Variants in MCPH1 observed in about 807,000 individuals in gnomAD.
MCPH1 encodes microcephalin.
A neutral mutation model predicts 84.5 loss-of-function variants in MCPH1; 104 were observed. The observed-to-expected ratio is 1.23, with a 90% CI of 1.05 to 1.45. The LOEUF (loss-of-function observed/expected upper bound fraction) is 1.45, where lower values mean the gene tolerates loss of function less well. MCPH1 is among the 40% of genes most tolerant of loss of function. MCPH1 has a pLI of 0.00. For missense variants in MCPH1, 1,498 were observed against 1,005.7 expected, an observed-to-expected ratio of 1.49 and a Z score of -6.62; for synonymous variants, 514 against 366.8, an observed-to-expected ratio of 1.40 and a Z score of -4.58.
At chr8:6,518,384 G>A (rs1180359931) in intron 12 of MCPH1, among the ~76,000 whole-genome samples, 1 of 152,228 alleles carries the variant, frequency 6.6e-6, no homozygotes, top group Non-Finnish European at 1.5e-5. Context: ...GCAGCAGACT[G>A]TGTTGTTTGT....
chr8:6,600,105 T>C (rs1392449497), intron 12 of MCPH1, among the ~76,000 whole-genome samples: 1 of 152,278 alleles, frequency 6.6e-6, no homozygotes, highest in African/African-American at 2.4e-5. Context: ...TATCTGGAGC[T>C]GAGTTGCTGG....
At chr8:6,624,925 G>T in intron 13 of MCPH1, 1 of 908,716 alleles carries the variant, frequency 1.1e-6, no homozygotes, top group South Asian at 5.1e-5. Context: ...CCAGGCTGGA[G>T]TGTGCAGTGA....
intron 12 of MCPH1, among the ~76,000 whole-genome samples, chr8:6,598,402 C>T (rs887860951): frequency 6.6e-6 from 1 of 152,156 alleles, no homozygotes; most frequent in African/African-American, 2.4e-5. Flanking sequence ...GAGCCGGCGA[C>T]CGGCCAGAGT....
At chr8:6,610,325 C>G (rs556095900) in intron 12 of MCPH1, among the ~76,000 whole-genome samples, 1 of 152,348 alleles carries the variant, frequency 6.6e-6, no homozygotes, top group African/African-American at 2.4e-5. Flanking sequence ...AATCAGGTGT[C>G]TTCATTTATG....
chr8:6,463,116 C>G (rs1806465910), intron 9 of MCPH1, among the ~76,000 whole-genome samples: 1 of 152,148 alleles, frequency 6.6e-6, no homozygotes. Flanking sequence ...TTTCTAAAAG[C>G]TCCTTCAGTG....
At chr8:6,492,120 A>G (rs1196136080) in intron 11 of MCPH1, among the ~76,000 whole-genome samples, 1 of 152,160 alleles carries the variant, frequency 6.6e-6, no homozygotes, top group Non-Finnish European at 1.5e-5. Context: ...CTATTTCTCC[A>G]CATCCTCTCC....
At chr8:6,554,514 A>C (rs1249897414) in intron 12 of MCPH1, among the ~76,000 whole-genome samples, 1 of 152,220 alleles carries the variant, frequency 6.6e-6, no homozygotes, top group East Asian at 1.9e-4. Context: ...TCCATTGTCC[A>C]TAAAAAATTA....
At position 6,553,389 on chromosome 8, in the gene MCPH1, C is replaced by T. The variant is rs890010014; in HGVS notation, c.2214+53460C>T. 2.0e-5 allele frequency among the ~76,000 whole-genome samples: 3 copies of T among 152,158 alleles called. No individual in the cohort carries two copies. The East Asian group carries it at 5.8e-4, about 29-fold the overall frequency. On this transcript the variant is annotated intron_variant, in intron 12 of 13. Coordinates refer to ENST00000344683, the MANE Select transcript of MCPH1 (RefSeq NM_024596.5). ...AAACCTAGCCAGCCCTCACTAGGGT[C>T]TTCTGATGGTTACATAGTTAAAAGT...
intron 12 of MCPH1, among the ~76,000 whole-genome samples, chr8:6,531,204 C>T (rs923629474): frequency 6.6e-6 from 1 of 151,688 alleles, no homozygotes; most frequent in African/African-American, 2.4e-5. Context: ...ACATGTTGTG[C>T]ATCATTTAGC....
intron 12 of MCPH1, chr8:6,562,748 T>G: frequency 6.2e-7 from 1 of 1,613,872 alleles, no homozygotes; most frequent in Non-Finnish European, 8.5e-7. Flanking sequence ...TGCACAGCAT[T>G]GGACACGTAG....
chr8:6,616,437 T>G (rs1457969378), intron 12 of MCPH1: 2 of 152,246 alleles, frequency 1.3e-5, no homozygotes, highest in Non-Finnish European at 2.9e-5. Flanking sequence ...AACAGTACAG[T>G]CTGCCTTAAC....
chr8:6,518,804 C>T (rs1294429773), intron 12 of MCPH1, among the ~76,000 whole-genome samples: 1 of 152,144 alleles, frequency 6.6e-6, no homozygotes, highest in East Asian at 1.9e-4. Context: ...TTAATATATA[C>T]AGTTATCCAG....
intron 11 of MCPH1, 177 bp from the exon 12 acceptor site, chr8:6,499,675 A>G (rs936342197): frequency 5.0e-5 from 29 of 582,912 alleles, no homozygotes; most frequent in Non-Finnish European, 8.2e-5. Context: ...CTTTTTATTA[A>G]TATTCATAAC....
intron 12 of MCPH1, chr8:6,501,705 G>A (rs1284526565): frequency 4.6e-5 from 7 of 151,754 alleles, no homozygotes; most frequent in East Asian, 1.9e-4. Context: ...ACAGGTGCCC[G>A]CCAGCACGCC....
chr8:6,496,229 A>G lies in MCPH1; in HGVS notation c.2137-3623A>G, dbSNP rs147856858. ...CATCAGGCGTTAGATTCTCATAAGG[A>G]GCATGCAACCTAGATCCCTCATCTG... On this transcript the variant is annotated intron_variant, in intron 11 of 13. Transcript: ENST00000344683. Among the ~76,000 whole-genome samples the G allele has an allele frequency of 1.6e-3, 237 of 152,300 alleles. 2 individuals carry two copies. The highest frequency in any genetic ancestry group is 1.4e-3 in the Non-Finnish European group (95 of 68,028).
rs1331742639 is a variant in MCPH1, at chr8:6,621,618, C to T, written c.2379C>T (p.Ala793=). ...GGGTCAGCCAAGTCCCCCGCCAGGC[C>T]AGCATCGTCATCGGGCCCTACAGCG... ...GGRVSQVPRQ[A]SIVIGPYSGK... The change falls in exon 13 of 14, where the codon GCC becomes GCT. Residue 793 remains alanine, a synonymous_variant. Coordinates refer to ENST00000344683, the MANE Select transcript of MCPH1 (RefSeq NM_024596.5). 1.2e-6 allele frequency: 2 copies of T among 1,614,218 alleles called. No homozygotes were observed. Among genetic ancestry groups the T allele is most frequent in the Non-Finnish European group, 1.7e-6 (2 of 1,180,038 alleles).
At chr8:6,443,111 T>G (rs1803757438) in intron 7 of MCPH1, among the ~76,000 whole-genome samples, 1 of 152,232 alleles carries the variant, frequency 6.6e-6, no homozygotes, top group African/African-American at 2.4e-5. Flanking sequence ...ATTCTCCCAT[T>G]AGCCTTAAGA....
At chr8:6,625,846 C>T (rs958895631) in intron 13 of MCPH1, 2 of 985,270 alleles carry the variant, frequency 2.0e-6, no homozygotes, top group East Asian at 1.1e-4. Flanking sequence ...TCTTAACAGT[C>T]TTGTTTTGCA....
intron 13 of MCPH1, among the ~76,000 whole-genome samples, chr8:6,629,393 C>T (rs183967157): frequency 5.3e-5 from 8 of 152,278 alleles, no homozygotes; most frequent in African/African-American, 7.2e-5. Flanking sequence ...ACACAAGAGG[C>T]GGAGGCTGCA....
Sources: allele counts gnomAD v4.1 joint callset (sites outside exome capture counted in the v4.1 genomes callset), GRCh38; gene constraint gnomAD v4.1.1; transcripts MANE v1.5; gene names NCBI Gene and HGNC (gene_info 2026-07-23, HGNC 2026-07-21).